The following VTCN1 variants were observed in gnomAD, a reference collection of about 807,000 sequenced individuals.
VTCN1 encodes the protein V-set domain containing T cell activation inhibitor 1, also known as V-set domain-containing T-cell activation inhibitor 1.
Under a neutral mutation model 26.5 loss-of-function variants are expected in VTCN1, and 26 were observed. That is an observed-to-expected ratio of 0.98 (90% CI 0.72 to 1.36). VTCN1 has a LOEUF of 1.36. VTCN1 is among the 40% of genes most tolerant of loss of function. VTCN1 has a pLI of 0.00. For synonymous variants in VTCN1, 116 were observed against 130.7 expected (o/e 0.89, Z 0.77); for missense variants, 298 against 337.7 (o/e 0.88, Z 0.92).
chr1:117,149,139 A>ACCC (rs1651663189), intron 4 of VTCN1, among the ~76,000 whole-genome samples: 1 of 152,154 alleles, frequency 6.6e-6, no homozygotes, highest in Non-Finnish European at 1.5e-5. Flanking sequence ...TATATGGAGT[A>ACCC]AGGGTGTAGT....
At chr1:117,177,357 C>T (rs1459075775) in intron 1 of VTCN1, among the ~76,000 whole-genome samples, 1 of 152,042 alleles carries the variant, frequency 6.6e-6, no homozygotes, top group Non-Finnish European at 1.5e-5. Flanking sequence ...AGTATGTTTC[C>T]TGGCCTCTAC....
intron 1 of VTCN1, chr1:117,203,621 T>G (rs180908331): frequency 3.0e-6 from 3 of 985,404 alleles, no homozygotes; most frequent in East Asian, 2.3e-4. Context: ...TTCTTACCTG[T>G]AGAAACTTCA....
intron 1 of VTCN1, among the ~76,000 whole-genome samples, chr1:117,170,884 A>T (rs937206552): frequency 6.6e-6 from 1 of 152,230 alleles, no homozygotes; most frequent in East Asian, 1.9e-4. Flanking sequence ...ACATGTGCAG[A>T]ACGTGCAGGT....
chr1:117,198,785 C>T (rs914746131), intron 1 of VTCN1, among the ~76,000 whole-genome samples: 2 of 152,200 alleles, frequency 1.3e-5, no homozygotes, highest in African/African-American at 2.4e-5. Context: ...TTGAGAAATA[C>T]GGGGTGATCC....
chr1:117,198,754 C>T (rs1185736119), intron 1 of VTCN1, among the ~76,000 whole-genome samples: 4 of 152,192 alleles, frequency 2.6e-5, no homozygotes, highest in Non-Finnish European at 5.9e-5. Flanking sequence ...ACAATACCCA[C>T]GTTTATTTAA....
intron 1 of VTCN1, among the ~76,000 whole-genome samples, chr1:117,185,381 G>GCC (rs1647883966): frequency 6.6e-6 from 1 of 152,120 alleles, no homozygotes; most frequent in Admixed American, 6.5e-5. Flanking sequence ...AGTTTCCATG[G>GCC]GCTGCCATCA....
chr1:117,200,872 C>T (rs1464741105), intron 1 of VTCN1, among the ~76,000 whole-genome samples: 1 of 152,168 alleles, frequency 6.6e-6, no homozygotes, highest in Non-Finnish European at 1.5e-5. Flanking sequence ...CCATGTCAGC[C>T]TCCTGAGTAG....
intron 3 of VTCN1, 94 bp from the exon 4 acceptor site, chr1:117,153,463 T>C (rs1329681803): frequency 2.0e-6 from 1 of 494,014 alleles, no homozygotes; most frequent in Non-Finnish European, 2.7e-6. Context: ...ATGCAGTCAT[T>C]TTTTTTTTTT....
At chr1:117,188,044 A>AT (rs1013910187) in intron 1 of VTCN1, among the ~76,000 whole-genome samples, 11 of 151,458 alleles carry the variant, frequency 7.3e-5, no homozygotes, top group East Asian at 3.9e-4. Flanking sequence ...TTCTTCGGGG[A>AT]TTTTTTTTTC....
At chr1:117,162,791 A>C (rs1245023437) in intron 2 of VTCN1, among the ~76,000 whole-genome samples, 3 of 152,198 alleles carry the variant, frequency 2.0e-5, no homozygotes, top group South Asian at 2.1e-4. Context: ...AGTACTATTC[A>C]ATCAGCGCTC....
At chr1:117,196,705 G>A (rs552656912) in intron 1 of VTCN1, among the ~76,000 whole-genome samples, 1 of 152,010 alleles carries the variant, frequency 6.6e-6, no homozygotes, top group South Asian at 2.1e-4. Flanking sequence ...TGGGTTAGTG[G>A]TTTGCATTTT....
chr1:117,153,490 GC>G, intron 3 of VTCN1, 121 bp from the exon 4 acceptor site: 1 of 1,112,250 alleles, frequency 9.0e-7, no homozygotes, highest in Non-Finnish European at 1.2e-6. Context: ...TATCATTGAA[GC>G]CACTCAGTAC....
Position 117,161,014 on chromosome 1 carries a change from G to A in VTCN1, c.98-4093C>T, listed in dbSNP as rs1049642454. The stretch of plus-strand genomic sequence containing the variant: ...GCCTGGTTTGGAAGGATGTTTTGGA[G>A]GCTTGAGAGCGTGAGAAAAGACACT... On this transcript the variant is annotated intron_variant, in intron 2 of 5. Coordinates refer to ENST00000369458, the MANE Select transcript of VTCN1 (RefSeq NM_024626.4). This position sits in a 1 kb window ranked among gnomAD's most constrained non-coding sequence, Gnocchi z 4.3. Among the ~76,000 whole-genome samples the A allele has an allele frequency of 6.6e-6, 1 of 152,182 alleles. No individual in the cohort carries two copies.
intron 2 of VTCN1, among the ~76,000 whole-genome samples, chr1:117,158,230 C>T (rs1205785495): frequency 2.0e-5 from 3 of 152,216 alleles, no homozygotes; most frequent in African/African-American, 7.2e-5. Context: ...TGTTGGGGCT[C>T]CGACTCCATA....
At chr1:117,204,150 T>G (rs1218724631) in intron 1 of VTCN1, among the ~76,000 whole-genome samples, 1 of 152,222 alleles carries the variant, frequency 6.6e-6, no homozygotes, top group African/African-American at 2.4e-5. Context: ...TGCAAGTCTC[T>G]GTTTTTCTGC....
chr1:117,205,126 C>T (rs55940418), intron 1 of VTCN1, among the ~76,000 whole-genome samples: 12 of 132,554 alleles, frequency 9.1e-5, no homozygotes, highest in Non-Finnish European at 1.1e-4. Context: ...TGTATATATA[C>T]ATGTCATATA....
rs1651539467 is a variant in VTCN1, at chr1:117,146,879, A to C, written c.*45+734T>G. Among the ~76,000 whole-genome samples, 1 of 152,120 alleles carries C rather than the reference A, an allele frequency of 6.6e-6. No homozygotes were observed. The highest frequency in any genetic ancestry group is 6.6e-5 in the Admixed American group (1 of 15,262). ...GGAAGGAGCAGGTACAGTGTTTCAA[A>C]ACCAGTCGGGGTGTGAGATGATGAA... On this transcript the variant is annotated intron_variant, in intron 5 of 5. Transcript: ENST00000369458. The surrounding 1 kb of genome is among the most constrained non-coding windows in gnomAD (Gnocchi z 4.2).
At chr1:117,192,344 A>C (rs751137153) in intron 1 of VTCN1, among the ~76,000 whole-genome samples, 6 of 152,122 alleles carry the variant, frequency 3.9e-5, no homozygotes, top group Non-Finnish European at 7.4e-5. Flanking sequence ...TCACAAACAA[A>C]AGCTGAGAGA....
chr1:117,177,098 C>CA (rs1183911878), intron 1 of VTCN1, among the ~76,000 whole-genome samples: 5 of 151,130 alleles, frequency 3.3e-5, no homozygotes, highest in Non-Finnish European at 5.9e-5. Context: ...GACTCCATTT[C>CA]AAAAAAACCA....
Sources: gnomAD v4.1 joint callset for allele counts (sites outside exome capture counted in the v4.1 genomes callset) on GRCh38, gnomAD v4.1.1 for gene constraint, Gnocchi (gnomAD v3.1) non-coding constraint, MANE v1.5 for transcripts, NCBI Gene and HGNC (gene_info 2026-07-23, HGNC 2026-07-21) for gene names.